Variants in BEND3 observed in about 807,000 individuals in gnomAD.
The protein encoded by BEND3 is BEN domain containing 3.
BEND3 carries 13 observed loss-of-function variants against 60.1 expected under a neutral mutation model. The ratio of observed to expected loss-of-function variants is 0.22; its 90% confidence interval spans 0.14 to 0.34. The LOEUF is 0.34. Ranked by LOEUF, BEND3 falls within the 10% of genes least tolerant of loss-of-function variation. The pLI, the probability that BEND3 is intolerant of heterozygous loss-of-function variation, is 1.00. For missense variants in BEND3, 896 were observed against 1,138.1 expected (o/e 0.79, Z 3.06); for synonymous variants, 497 against 491.5 (o/e 1.01, Z -0.15).
At position 107,089,980 on chromosome 6, in the gene BEND3, G is replaced by A. The variant is rs567252786; in HGVS notation, c.240+8571C>T. On this transcript the variant is annotated intron_variant, in intron 3 of 3. Coordinates refer to ENST00000369042, the MANE Select transcript of BEND3 (RefSeq NM_001367314.1). ...GAAAAAATAATCCTAAAATGTATAC[G>A]GAACCACCAAAGAGCCAGAATATCC... Among the ~76,000 whole-genome samples, 8 of 151,848 alleles carry A rather than the reference G, an allele frequency of 5.3e-5. No homozygotes were observed. In the South Asian group the frequency reaches 1.0e-3, roughly 20 times the overall value.
chr6:107,078,545 C>T (rs1554233039), intron 3 of BEND3, among the ~76,000 whole-genome samples: 4 of 147,006 alleles, frequency 2.7e-5, no homozygotes, highest in African/African-American at 5.1e-5. Context: ...AGCTCTGCCT[C>T]CTGGGTTCAT....
chr6:107,078,374 G>A (rs1554233011), intron 3 of BEND3, among the ~76,000 whole-genome samples: 1 of 151,768 alleles, frequency 6.6e-6, no homozygotes, highest in East Asian at 1.9e-4. Context: ...GTGCCATGCT[G>A]ATTTCATTCT....
Position 107,070,587 on chromosome 6 carries a change from T to G in BEND3, c.604A>C (p.Met202Leu), listed in dbSNP as rs782372915. The G allele has an allele frequency of 1.2e-6, 2 of 1,612,608 alleles. No individual in the cohort carries two copies. Among genetic ancestry groups the G allele is most frequent in the Non-Finnish European group, 1.7e-6 (2 of 1,180,008 alleles). Reference protein sequence around the residue: ...IYFLIQKMFYMLNTLTSNMSQ... With the variant: ...IYFLIQKMFYLLNTLTSNMSQ... ...ATGTTGGACGTGAGGGTGTTCAGCA[T>G]GTAGAACATCTTCTGGATCAGGAAG... Residue 202 changes from methionine (M) to leucine (L), a missense_variant, in exon 4 of 4, where the codon ATG becomes CTG. By Grantham distance (15) the Met-to-Leu change is conservative. This residue lies in a region of BEND3 where 846 missense variants were observed against 1,036.7 expected (regional missense o/e 0.82). Transcript: ENST00000369042. This position sits in a 1 kb window ranked among gnomAD's most constrained non-coding sequence, Gnocchi z 6.9.
intron 3 of BEND3, among the ~76,000 whole-genome samples, chr6:107,094,652 AAAT>A: frequency 6.7e-6 from 1 of 149,136 alleles, no homozygotes; most frequent in Admixed American, 6.6e-5. Context: ...ATAAATAAAT[AAAT>A]AAATAAATAA....
intron 3 of BEND3, among the ~76,000 whole-genome samples, chr6:107,091,284 C>A (rs972176436): frequency 2.0e-4 from 30 of 151,330 alleles, no homozygotes; most frequent in African/African-American, 6.3e-4. Flanking sequence ...CCAAAGTAAG[C>A]AGAAGAAAAG....
At chr6:107,080,147 G>A (rs1277813769) in intron 3 of BEND3, among the ~76,000 whole-genome samples, 2 of 151,456 alleles carry the variant, frequency 1.3e-5, no homozygotes, top group South Asian at 2.1e-4. Context: ...CTGTAATCCC[G>A]GCACTTTCGG....
chr6:107,091,238 G>A (rs1359247662), intron 3 of BEND3, among the ~76,000 whole-genome samples: 4 of 151,952 alleles, frequency 2.6e-5, no homozygotes, highest in Non-Finnish European at 4.4e-5. Context: ...AATCATCTAA[G>A]CTTTTACCTG....
In BEND3 at chr6:107,069,480, C is replaced by A. The variant is rs1173575253; in HGVS notation, c.1711G>T (p.Gly571Cys). ...ACCAGCAGGCGCGAGGCGAAGTTGC[C>A]GATGGACAGGCTGCTCTCGTAGATG... ...RSIYESSLSI[G>C]NFASRLLVHL... is the part of the protein sequence containing the mutation. The change falls in exon 4 of 4, where the codon GGC (glycine) becomes TGC (cysteine). Residue 571 changes from glycine to cysteine, a missense_variant. Around this residue, in one of 4 missense-constraint regions of BEND3, gnomAD observed 846 missense variants for 1,036.7 expected, o/e 0.82. Coordinates refer to ENST00000369042, the MANE Select transcript of BEND3 (RefSeq NM_001367314.1). 1 of 1,612,748 alleles carries A rather than the reference C, an allele frequency of 6.2e-7. No homozygotes were observed. The highest frequency in any genetic ancestry group is 1.1e-5 in the South Asian group (1 of 91,090).
Position 107,069,803 on chromosome 6 carries a change from T to C in BEND3, c.1388A>G (p.Gln463Arg). 6.2e-7 allele frequency: 1 copy of C among 1,613,420 alleles called. No homozygotes were observed. The highest frequency in any genetic ancestry group is 1.1e-5 in the South Asian group (1 of 91,074). The change falls in exon 4 of 4, where the codon CAG becomes CGG. Residue 463 changes from glutamine (Q) to arginine (R), a missense_variant. Transcript: ENST00000369042. ...NYTEIYFPDM[Q>R]EEEAWLQQCA... Reference sequence around the variant, plus strand: ...CTGCTGCAGCCAGGCCTCCTCCTCCTGCATGTCAGGGAAGTAGATCTCCGT... The same window carrying C: ...CTGCTGCAGCCAGGCCTCCTCCTCCCGCATGTCAGGGAAGTAGATCTCCGT...
chr6:107,096,161 T>C (rs1381939799), intron 3 of BEND3, among the ~76,000 whole-genome samples: 1 of 152,218 alleles, frequency 6.6e-6, no homozygotes, highest in Non-Finnish European at 1.5e-5. Context: ...CTGTCTCTTT[T>C]GCTCAATTTT....
rs372850794 is a variant in BEND3, at chr6:107,069,673, G to A, written c.1518C>T (p.Asp506=). 9.4e-5 allele frequency: 151 copies of A among 1,609,658 alleles called. No homozygotes were observed. The highest frequency in any genetic ancestry group is 1.2e-4 in the Non-Finnish European group (137 of 1,180,004). ...CCTCCACCTTGACCACTGAGATGTC[G>A]TCGGGCAGACTGGAGGAGTCGTAGC... is the stretch of plus-strand genomic sequence containing the variant. The part of the protein sequence containing the change: ...DDCYDSSSLP[D]DISVVKVEDS... Residue 506 remains aspartate, a synonymous_variant, in exon 4 of 4, where the codon GAC becomes GAT. Coordinates refer to ENST00000369042, the MANE Select transcript of BEND3 (RefSeq NM_001367314.1).
At chr6:107,094,630 ATAAAT>A (rs1359779129) in intron 3 of BEND3, among the ~76,000 whole-genome samples, 1 of 97,394 alleles carries the variant, frequency 1.0e-5, no homozygotes. Context: ...TCATAAATAA[ATAAAT>A]AAATAAATAA....
chr6:107,083,009 A>G (rs1263013976), intron 3 of BEND3, among the ~76,000 whole-genome samples: 10 of 152,214 alleles, frequency 6.6e-5, no homozygotes, highest in Non-Finnish European at 1.2e-4. Flanking sequence ...AGAAACACTC[A>G]TACAGTCACT....
chr6:107,094,716 T>C (rs1562311276), intron 3 of BEND3, among the ~76,000 whole-genome samples: 1 of 151,484 alleles, frequency 6.6e-6, no homozygotes, highest in South Asian at 2.1e-4. Context: ...TAGCCAGGCA[T>C]GGTGCTGCCA....
At chr6:107,085,301 A>G (rs552053773) in intron 3 of BEND3, among the ~76,000 whole-genome samples, 1 of 152,308 alleles carries the variant, frequency 6.6e-6, no homozygotes, top group East Asian at 1.9e-4. Context: ...TCTTGAAGTC[A>G]GTGAGACTAA....
intron 1 of BEND3, among the ~76,000 whole-genome samples, chr6:107,108,254 A>AATCTTTGGTCACTTGCGTCTTC (rs1775864077): frequency 6.6e-6 from 1 of 152,058 alleles, no homozygotes; most frequent in Non-Finnish European, 1.5e-5. Context: ...TTGGCGTCTT[A>AATCTTTGGTCACTTGCGTCTTC]ATCTTTGGTC....
At position 107,066,832 on chromosome 6, in the gene BEND3, G is replaced by A. The variant is rs1157841192; in HGVS notation, c.*1872C>T. The A allele has an allele frequency of 1.3e-5, 2 of 152,610 alleles. No individual in the cohort carries two copies. The highest frequency in any genetic ancestry group is 2.4e-5 in the African/African-American group (1 of 41,420). 9.5% of individuals were successfully genotyped at this position (152,610 alleles called of 1,614,324 possible). A position where few individuals can be genotyped will look rare whatever the true frequency, so the allele number is the denominator to read the frequency against. On this transcript the variant is annotated 3_prime_UTR_variant, in exon 4 of 4. Transcript: ENST00000369042. ...GGCATAGAGAAGGGCCCAAGCGAGG[G>A]GGGAAAGTGAGTCTCCTGGCTGCTC...
At chr6:107,083,927 AG>A (rs1775285046) in intron 3 of BEND3, among the ~76,000 whole-genome samples, 2 of 152,218 alleles carry the variant, frequency 1.3e-5, no homozygotes, top group African/African-American at 2.4e-5. Flanking sequence ...ATCTTGAAAA[AG>A]AAAAAGCATC....
rs143332621 is a variant in BEND3, at chr6:107,069,730, C to T, written c.1461G>A (p.Ala487=). The T allele has an allele frequency of 1.6e-4, 256 of 1,611,312 alleles. No individual in the cohort carries two copies. The highest frequency in any genetic ancestry group is 2.0e-4 in the Non-Finnish European group (234 of 1,179,996). ...CACGCGGGGGGTCGCCTTCACTGCC[C>T]GCGTCCAGCCCCAGGCCCTCGAGCT... is the stretch of plus-strand genomic sequence containing the variant. The part of the protein sequence containing the change: ...NDELEGLGLD[A]GSEGDPPRDD... The change falls in exon 4 of 4, where the codon GCG becomes GCA. Residue 487 remains alanine (A), a synonymous_variant. Transcript: ENST00000369042.
Sources: gnomAD v4.1 joint callset for allele counts (sites outside exome capture counted in the v4.1 genomes callset) on GRCh38, gnomAD v4.1.1 for gene constraint, gnomAD v4.1.1 regional missense constraint, Gnocchi (gnomAD v3.1) non-coding constraint, MANE v1.5 for transcripts, NCBI Gene and HGNC (gene_info 2026-07-23, HGNC 2026-07-21) for gene names.